KDM7A: variants seen among roughly 807,000 people sequenced by gnomAD.
The protein encoded by KDM7A is lysine-specific demethylase 7A.
A neutral mutation model predicts 114.8 loss-of-function variants in KDM7A; 28 were observed. The ratio of observed to expected loss-of-function variants is 0.24; its 90% CI spans 0.18 to 0.33. KDM7A has a LOEUF of 0.33. Among genes scored for constraint, KDM7A ranks in the 10% least tolerant of loss-of-function variants. The pLI, the probability that KDM7A is intolerant of heterozygous loss-of-function variation, is 1.00. For synonymous variants in KDM7A, 423 were observed against 397.8 expected (o/e 1.06, Z -0.75); for missense variants, 942 against 1,142.5 (o/e 0.82, Z 2.53).
intron 1 of KDM7A, among the ~76,000 whole-genome samples, chr7:140,154,194 A>G (rs1794432679): frequency 6.6e-6 from 1 of 152,154 alleles, no homozygotes; most frequent in Non-Finnish European, 1.5e-5. Context: ...ATTTTTTTTA[A>G]AAGTGTCCTG....
chr7:140,157,314 T>C (rs996727536), intron 1 of KDM7A, among the ~76,000 whole-genome samples: 2 of 152,246 alleles, frequency 1.3e-5, no homozygotes, highest in Non-Finnish European at 2.9e-5. Context: ...CGCTGAACTA[T>C]GGTAGGCTCA....
In KDM7A at chr7:140,161,559, G is replaced by A. The variant is rs190619552; in HGVS notation, c.194+15185C>T. On this transcript the variant is annotated intron_variant, in intron 1 of 19. Coordinates refer to ENST00000397560, the MANE Select transcript of KDM7A (RefSeq NM_030647.2). ...TCGTTTTTTTGTTTTTTTTTTCTAC[G>A]GTGGGGGGGACGGAGTCTCGCTCTG... Among the ~76,000 whole-genome samples the A allele has an allele frequency of 2.0e-3, 302 of 148,576 alleles. 2 individuals carry two copies. The highest frequency in any genetic ancestry group is 5.1e-3 in the South Asian group (24 of 4,706).
chr7:140,176,717 C>T lies in KDM7A; in HGVS notation c.194+27G>A, dbSNP rs377019577. 1.8e-4 allele frequency: 224 copies of T among 1,236,944 alleles called. 2 individuals are homozygous for T. The African/African-American group carries it at 3.1e-3, about 17-fold the overall frequency. 76.6% of individuals were successfully genotyped at this position (1,236,944 alleles called of 1,614,324 possible). On this transcript the variant is annotated intron_variant, in intron 1 of 19. Transcript: ENST00000397560. The surrounding 1 kb of genome is among the most constrained non-coding windows in gnomAD (Gnocchi z 4.4). The stretch of plus-strand genomic sequence containing the variant: ...GTTGGTCGGTGGCCGGCGGTGGCGG[C>T]TGCGGGGCTGGAGGGGGTTTATTTA...
In KDM7A at chr7:140,091,166, C is replaced by T; in HGVS notation, c.2754G>A (p.Met918Ile). The change falls in exon 20 of 20, where the codon ATG (methionine) becomes ATA (isoleucine). Residue 918 changes from methionine to isoleucine, a missense_variant. Physicochemically the swap from Met to Ile is conservative, Grantham distance 10 (BLOSUM62 1). This residue lies in a region of KDM7A where 512 missense variants were observed against 576.6 expected (regional missense o/e 0.89). Transcript: ENST00000397560. ...ATKGKRPKKG[M>I]ATAKQRLGKI... is the part of the protein sequence containing the mutation. Reference sequence around the variant, plus strand: ...TCCCAAGACGTTGTTTGGCTGTTGCCATTCCTTTTTTTGGACGTTTACCTA... The same window carrying T: ...TCCCAAGACGTTGTTTGGCTGTTGCTATTCCTTTTTTTGGACGTTTACCTA... 6.2e-7 allele frequency: 1 copy of T among 1,613,940 alleles called. No individual in the cohort carries two copies. The highest frequency in any genetic ancestry group is 8.5e-7 in the Non-Finnish European group (1 of 1,179,784).
rs188663729 is a variant in KDM7A, at chr7:140,136,823, C to T, written c.280+2282G>A. Reference sequence around the variant, plus strand: ...CCAACATGGTGAAACTCTGTCTCTACTGAAAATACAAAAATTAGCCAGGTG... The same window carrying T: ...CCAACATGGTGAAACTCTGTCTCTATTGAAAATACAAAAATTAGCCAGGTG... On this transcript the variant is annotated intron_variant, in intron 2 of 19. Transcript: ENST00000397560. Among the ~76,000 whole-genome samples the T allele has an allele frequency of 3.2e-3, 491 of 152,072 alleles. 1 individual carries two copies. The highest frequency in any genetic ancestry group is 0.017 in the Middle Eastern group (5 of 294).
intron 15 of KDM7A, 37 bp downstream of exon 15, chr7:140,097,508 A>G (rs769771175): frequency 9.0e-6 from 10 of 1,112,050 alleles, no homozygotes; most frequent in Admixed American, 2.1e-5. Context: ...TCATCTTTCC[A>G]TCAAATAACG....
chr7:140,162,555 T>C (rs537915813), intron 1 of KDM7A, among the ~76,000 whole-genome samples: 1 of 152,040 alleles, frequency 6.6e-6, no homozygotes, highest in South Asian at 2.1e-4. Context: ...TGTGTTAAGA[T>C]GAATGCAACT....
chr7:140,141,385 C>G (rs1355694289), intron 1 of KDM7A, among the ~76,000 whole-genome samples: 2 of 151,862 alleles, frequency 1.3e-5, no homozygotes, highest in Non-Finnish European at 2.9e-5. Context: ...AAAACTCTAC[C>G]AAGTATCAAG....
intron 9 of KDM7A, among the ~76,000 whole-genome samples, chr7:140,117,074 AATG>A (rs1368753451): frequency 2.6e-5 from 4 of 152,214 alleles, no homozygotes; most frequent in Admixed American, 2.0e-4. Flanking sequence ...GAATGCTTAA[AATG>A]ATGGCAATTG....
At chr7:140,161,299 GGTCCCCACAGAAA>G (rs928277767) in intron 1 of KDM7A, among the ~76,000 whole-genome samples, 19 of 152,320 alleles carry the variant, frequency 1.2e-4, no homozygotes, top group African/African-American at 4.6e-4. Context: ...ACTCCCATGT[GGTCCCCACAGAAA>G]GTTTCCAAAA....
intron 1 of KDM7A, among the ~76,000 whole-genome samples, chr7:140,155,044 A>G (rs1307959786): frequency 6.6e-6 from 1 of 152,210 alleles, no homozygotes; most frequent in Non-Finnish European, 1.5e-5. Context: ...GACTACTAAC[A>G]AAGCACGTTA....
At chr7:140,148,960 A>G (rs1412920513) in intron 1 of KDM7A, among the ~76,000 whole-genome samples, 2 of 152,142 alleles carry the variant, frequency 1.3e-5, no homozygotes, top group Non-Finnish European at 1.5e-5. Context: ...CATACTCTGA[A>G]CCAAATTCCT....
intron 1 of KDM7A, among the ~76,000 whole-genome samples, chr7:140,142,075 A>G (rs529496385): frequency 6.8e-6 from 1 of 148,118 alleles, no homozygotes; most frequent in African/African-American, 2.4e-5. Flanking sequence ...AGATATTTAT[A>G]TATCTTTTTA....
In KDM7A at chr7:140,097,028, T is replaced by C. The variant is rs757880736; in HGVS notation, c.2036A>G (p.Glu679Gly). 6.2e-7 allele frequency: 1 copy of C among 1,611,996 alleles called. No homozygotes were observed. Among genetic ancestry groups the C allele is most frequent in the Non-Finnish European group, 8.5e-7 (1 of 1,178,516 alleles). The part of the protein sequence containing the change: ...CTALKSIFTT[E>G]ESESSGDEKK... ...TTCATCACCTGAACTTTCAGACTCT[T>C]CAGTGGTAAAGATACTTTTCTGAGA... The change falls in exon 16 of 20, where the codon GAA (glutamate) becomes GGA (glycine). Residue 679 changes from glutamate to glycine, a missense_variant. This residue lies in a region of KDM7A where 512 missense variants were observed against 576.6 expected (regional missense o/e 0.89). Transcript: ENST00000397560.
Position 140,099,058 on chromosome 7 carries a change from A to C in KDM7A, c.1764-25T>G, listed in dbSNP as rs765523726. ...TCTGTATTAAGAAGGAAAAGTAATC[A>C]GAATATAGTGCAAGACTCTGTAGCC... On this transcript the variant is annotated intron_variant, in intron 13 of 19. Coordinates refer to ENST00000397560, the MANE Select transcript of KDM7A (RefSeq NM_030647.2). The C allele has an allele frequency of 1.9e-6, 3 of 1,582,742 alleles. No individual in the cohort carries two copies. In the East Asian group the frequency reaches 6.7e-5, roughly 35 times the overall value.
At chr7:140,130,516 G>T (rs1227552604) in intron 3 of KDM7A, among the ~76,000 whole-genome samples, 1 of 151,988 alleles carries the variant, frequency 6.6e-6, no homozygotes, top group Non-Finnish European at 1.5e-5. Flanking sequence ...AGCTACTTGG[G>T]AGGCTGAGGC....
At chr7:140,115,389 T>C (rs531639865) in intron 9 of KDM7A, among the ~76,000 whole-genome samples, 2 of 152,258 alleles carry the variant, frequency 1.3e-5, no homozygotes, top group Non-Finnish European at 2.9e-5. Context: ...AGAAATCAGA[T>C]TGTTGCTGTG....
At position 140,102,902 on chromosome 7, in the gene KDM7A, C is replaced by T. The variant is rs75906753; in HGVS notation, c.1429-742G>A. On this transcript the variant is annotated intron_variant, in intron 11 of 19. Transcript: ENST00000397560. ...GCATATCATGAAAAATAGCAGCCTCCTCTTCCCCATCCCTCTCATTCTCCA... is the reference window on the plus strand; with the variant it reads ...GCATATCATGAAAAATAGCAGCCTCTTCTTCCCCATCCCTCTCATTCTCCA... Among the ~76,000 whole-genome samples the T allele has an allele frequency of 1.9e-3, 288 of 152,074 alleles. 1 individual carries two copies. The highest frequency in any genetic ancestry group is 6.4e-3 in the African/African-American group (265 of 41,462).
intron 19 of KDM7A, among the ~76,000 whole-genome samples, chr7:140,091,487 A>G (rs1818018586): frequency 6.6e-6 from 1 of 152,064 alleles, no homozygotes; most frequent in Non-Finnish European, 1.5e-5. Flanking sequence ...CAAATACCCC[A>G]TATCCTGCTT....
Sources: allele counts gnomAD v4.1 joint callset (sites outside exome capture counted in the v4.1 genomes callset), GRCh38; gene constraint gnomAD v4.1.1; regional missense constraint gnomAD v4.1.1; non-coding constraint Gnocchi (gnomAD v3.1); transcripts MANE v1.5; gene names NCBI Gene and HGNC (gene_info 2026-07-23, HGNC 2026-07-21).